Variants in FOXN3 observed in about 807,000 individuals in gnomAD.
The protein encoded by FOXN3 is forkhead box N3.
In FOXN3, 7 loss-of-function variants were observed where a neutral mutation model predicts 38.4. That is an observed-to-expected ratio of 0.18 (90% CI 0.10 to 0.34). The LOEUF (loss-of-function observed/expected upper bound fraction) is 0.34. FOXN3 is among the 10% of genes least tolerant of loss of function. FOXN3 has a pLI of 1.00. For synonymous variants in FOXN3, 230 were observed against 242.2 expected (o/e 0.95, Z 0.47); for missense variants, 456 against 613.4 (o/e 0.74, Z 2.71).
intron 1 of FOXN3, among the ~76,000 whole-genome samples, chr14:89,476,536 C>G (rs1030644836): frequency 1.3e-5 from 2 of 152,180 alleles, no homozygotes; most frequent in African/African-American, 4.8e-5. Flanking sequence ...GGTTAATGCT[C>G]AAATATCCAT....
intron 1 of FOXN3, among the ~76,000 whole-genome samples, chr14:89,487,229 G>T (rs1893464983): frequency 6.6e-6 from 1 of 152,196 alleles, no homozygotes; most frequent in Non-Finnish European, 1.5e-5. Context: ...AGGAAAGTTG[G>T]TACATGAGAC....
chr14:89,310,791 C>T (rs1254289725), intron 3 of FOXN3, among the ~76,000 whole-genome samples: 2 of 152,102 alleles, frequency 1.3e-5, no homozygotes, highest in Non-Finnish European at 2.9e-5. Flanking sequence ...CTTTAGTTAG[C>T]ATCTAGTTGA....
In FOXN3 at chr14:89,161,556, CGTGTGTGTGTGTGTGTGTGTGT is replaced by C. The variant is rs368359011; in HGVS notation, c.*836_*857del. ...CCATCAGTTTTCTCTCTCTCTCCTTCGTGTGTGTGTGTGTGTGTGTGTGTGTGTGTGTGTGTGTGTGCGTGCG... is the reference window on the plus strand; with the variant it reads ...CCATCAGTTTTCTCTCTCTCTCCTTCGTGTGTGTGTGTGTGTGTGCGTGCG... On this transcript the variant is annotated 3_prime_UTR_variant, in exon 6 of 6. Coordinates refer to ENST00000557258, the MANE Select transcript of FOXN3 (RefSeq NM_005197.4). 1.2e-4 allele frequency: 13 copies of C among 109,390 alleles called. No individual in the cohort carries two copies. Among genetic ancestry groups the C allele is most frequent in the Non-Finnish European group, 2.7e-4 (13 of 48,844 alleles). 6.8% of individuals were successfully genotyped at this position (109,390 alleles called of 1,614,324 possible). A position where few individuals can be genotyped will look rare whatever the true frequency, so the allele number is the denominator to read the frequency against.
chr14:89,332,580 T>G (rs140736645), intron 3 of FOXN3, among the ~76,000 whole-genome samples: 23 of 152,336 alleles, frequency 1.5e-4, no homozygotes, highest in Non-Finnish European at 2.8e-4. Flanking sequence ...TTTAATTCAA[T>G]GTTAAGACTT....
intron 2 of FOXN3, among the ~76,000 whole-genome samples, chr14:89,405,324 A>G (rs1268709797): frequency 6.6e-6 from 1 of 152,040 alleles, no homozygotes; most frequent in Non-Finnish European, 1.5e-5. Context: ...TTTAGTAGAG[A>G]CAGGGTTTCA....
chr14:89,191,158 A>G (rs779644102), intron 4 of FOXN3, among the ~76,000 whole-genome samples: 17 of 152,172 alleles, frequency 1.1e-4, no homozygotes, highest in Non-Finnish European at 2.2e-4. Flanking sequence ...CAGTTGACAG[A>G]TGGCAGGTTA....
intron 5 of FOXN3, among the ~76,000 whole-genome samples, chr14:89,168,158 G>C (rs780486376): frequency 5.9e-5 from 9 of 152,122 alleles, no homozygotes; most frequent in Non-Finnish European, 1.0e-4. Flanking sequence ...AGAGACAAGA[G>C]AACAGAGAAA....
chr14:89,179,996 G>T (rs1220034821), intron 5 of FOXN3, among the ~76,000 whole-genome samples: 1 of 152,254 alleles, frequency 6.6e-6, no homozygotes. Flanking sequence ...TTAGGAAACT[G>T]GTCTGGCAGT....
At chr14:89,344,000 G>A (rs1320547733) in intron 3 of FOXN3, among the ~76,000 whole-genome samples, 2 of 152,144 alleles carry the variant, frequency 1.3e-5, no homozygotes, top group Non-Finnish European at 2.9e-5. Flanking sequence ...GACCTCAAGT[G>A]ATCCACCCAC....
At chr14:89,324,575 A>G (rs1340544934) in intron 3 of FOXN3, among the ~76,000 whole-genome samples, 1 of 152,230 alleles carries the variant, frequency 6.6e-6, no homozygotes, top group African/African-American at 2.4e-5. Context: ...GGGAGAGAAT[A>G]TAGGAATACA....
chr14:89,496,787 C>T (rs1893692159), intron 1 of FOXN3, among the ~76,000 whole-genome samples: 1 of 152,176 alleles, frequency 6.6e-6, no homozygotes, highest in African/African-American at 2.4e-5. Flanking sequence ...CCCCATTCTC[C>T]ATTCCCCCGA....
chr14:89,167,013 C>T (rs1206995950), intron 5 of FOXN3, among the ~76,000 whole-genome samples: 2 of 152,152 alleles, frequency 1.3e-5, no homozygotes, highest in Non-Finnish European at 1.5e-5. Flanking sequence ...ATCCGAAATG[C>T]CTGCAATTTT....
intron 1 of FOXN3, among the ~76,000 whole-genome samples, chr14:89,507,537 T>C (rs1893970859): frequency 6.6e-6 from 1 of 152,200 alleles, no homozygotes; most frequent in Non-Finnish European, 1.5e-5. Flanking sequence ...CTTAACTTTA[T>C]TGTAAGGAGA....
chr14:89,312,885 G>C (rs562592639), intron 3 of FOXN3, among the ~76,000 whole-genome samples: 7 of 152,120 alleles, frequency 4.6e-5, no homozygotes, highest in Non-Finnish European at 1.0e-4. Flanking sequence ...CCCCACTACC[G>C]ACTGCCCTGT....
chr14:89,505,322 C>A (rs867569978), intron 1 of FOXN3, among the ~76,000 whole-genome samples: 1 of 150,088 alleles, frequency 6.7e-6, no homozygotes, highest in Non-Finnish European at 1.5e-5. Context: ...CCTCTGATGC[C>A]GAGCCGAGGC....
chr14:89,316,503 G>A (rs1294039459), intron 3 of FOXN3, among the ~76,000 whole-genome samples: 1 of 143,880 alleles, frequency 7.0e-6, no homozygotes, highest in African/African-American at 2.6e-5. Flanking sequence ...CTACAGACAC[G>A]TGTCACCATG....
At chr14:89,353,209 C>T (rs1889050406) in intron 2 of FOXN3, among the ~76,000 whole-genome samples, 2 of 152,136 alleles carry the variant, frequency 1.3e-5, no homozygotes, top group Admixed American at 6.6e-5. Flanking sequence ...AACAGTGACC[C>T]ACTTAGAGAT....
intron 5 of FOXN3, among the ~76,000 whole-genome samples, chr14:89,167,837 G>A (rs1377872224): frequency 3.3e-5 from 5 of 152,156 alleles, no homozygotes; most frequent in East Asian, 1.9e-4. Context: ...TCTCTATAGC[G>A]AACGTCTGCC....
At chr14:89,553,377 A>G (rs1409435225) in intron 1 of FOXN3, among the ~76,000 whole-genome samples, 2 of 151,922 alleles carry the variant, frequency 1.3e-5, no homozygotes, top group Admixed American at 1.3e-4. Flanking sequence ...GAAAGACTAT[A>G]AAGTAGTGCT....
Sources: allele counts gnomAD v4.1 joint callset (sites outside exome capture counted in the v4.1 genomes callset), GRCh38; gene constraint gnomAD v4.1.1; transcripts MANE v1.5; gene names NCBI Gene and HGNC (gene_info 2026-07-23, HGNC 2026-07-21).